The following SEMA6A variants were observed in gnomAD, a reference collection of about 807,000 sequenced individuals.
SEMA6A encodes semaphorin 6A.
SEMA6A carries 25 observed loss-of-function variants against 96.8 expected under a neutral mutation model. That is an observed-to-expected ratio of 0.26 (90% CI 0.19 to 0.36). The LOEUF (loss-of-function observed/expected upper bound fraction) is 0.36, where lower values mean the gene tolerates loss of function less well. Among genes scored for constraint, SEMA6A ranks in the 10% least tolerant of loss-of-function variants. The probability of loss-of-function intolerance (pLI) is 1.00; values close to 1 mark genes in which losing one functional copy is unlikely to be tolerated. For synonymous variants in SEMA6A, 612 were observed against 518.0 expected, an observed-to-expected ratio of 1.18 and a Z score of -2.46; for missense variants, 1,363 against 1,323.1, an observed-to-expected ratio of 1.03 and a Z score of -0.47.
At chr5:116,553,125 G>A (rs567325453) in intron 1 of SEMA6A, among the ~76,000 whole-genome samples, 1 of 152,332 alleles carries the variant, frequency 6.6e-6, no homozygotes, top group Admixed American at 6.5e-5. Context: ...ATTATTATTA[G>A]ACAACTATAT....
intron 3 of SEMA6A, chr5:116,498,443 G>A (rs1209925749): frequency 1.3e-5 from 2 of 152,048 alleles, no homozygotes; most frequent in Non-Finnish European, 2.9e-5. Context: ...TGGGAAATCT[G>A]TTTGCTTTTT....
At position 116,523,360 on chromosome 5, in the gene SEMA6A, C is replaced by G. The variant is rs188509357; in HGVS notation, c.-38-18378G>C. ...ACAGGGTCTTGCTCTGCTGCCCAGG[C>G]TGAAGTGCAGTGATGCAATCTCTGC... On this transcript the variant is annotated intron_variant, in intron 1 of 18. Transcript: ENST00000343348. 3.7e-3 allele frequency among the ~76,000 whole-genome samples: 557 copies of G among 152,222 alleles called. 1 individual carries two copies. The highest frequency in any genetic ancestry group is 4.8e-3 in the Admixed American group (74 of 15,290).
intron 18 of SEMA6A, among the ~76,000 whole-genome samples, chr5:116,448,294 G>A (rs1754397735): frequency 6.6e-6 from 1 of 152,014 alleles, no homozygotes; most frequent in African/African-American, 2.4e-5. Flanking sequence ...GCAGTGAAGG[G>A]AGATCAGGCC....
At chr5:116,565,269 G>C (rs1345534129) in intron 1 of SEMA6A, among the ~76,000 whole-genome samples, 1 of 152,132 alleles carries the variant, frequency 6.6e-6, no homozygotes, top group African/African-American at 2.4e-5. Context: ...TGAATTATAC[G>C]AGAAGCGGTT....
rs1317383424 is a variant in SEMA6A, at chr5:116,496,424, CT to C, written c.280-112del. ...AGGCTGAACATATATTTATTGAAAG[CT>C]TTCTGCACCCTTTCTCCATGATTAA... On this transcript the variant is annotated intron_variant, in intron 4 of 18. Transcript: ENST00000343348. 4 of 773,458 alleles carry C rather than the reference CT, an allele frequency of 5.2e-6. No individual in the cohort carries two copies. In the Admixed American group the frequency reaches 7.8e-5, roughly 15 times the overall value. The allele number at this position is 773,458 out of a possible 1,614,324, so 47.9% of individuals were successfully genotyped here. A position where few individuals can be genotyped will look rare whatever the true frequency, so the allele number is the denominator to read the frequency against.
chr5:116,549,844 G>A (rs543998974), intron 1 of SEMA6A, among the ~76,000 whole-genome samples: 35 of 152,246 alleles, frequency 2.3e-4, no homozygotes, highest in African/African-American at 8.2e-4. Flanking sequence ...ACACACAAAC[G>A]ATACTTATGC....
intron 15 of SEMA6A, among the ~76,000 whole-genome samples, chr5:116,476,987 C>G (rs1255179627): frequency 6.6e-6 from 1 of 152,136 alleles, no homozygotes; most frequent in Non-Finnish European, 1.5e-5. Flanking sequence ...GTTTGTTTAG[C>G]TATTCTGAAA....
At chr5:116,526,111 T>C (rs575365903) in intron 1 of SEMA6A, among the ~76,000 whole-genome samples, 17 of 152,052 alleles carry the variant, frequency 1.1e-4, no homozygotes, top group African/African-American at 3.6e-4. Flanking sequence ...ATGGCTCTTA[T>C]TGGATCTTCC....
intron 1 of SEMA6A, among the ~76,000 whole-genome samples, chr5:116,571,851 G>C (rs1358444608): frequency 6.6e-6 from 1 of 152,174 alleles, no homozygotes; most frequent in African/African-American, 2.4e-5. Context: ...TTGCAATCTT[G>C]ACCGCTGGTA....
At chr5:116,491,564 A>C (rs1757326252) in intron 7 of SEMA6A, among the ~76,000 whole-genome samples, 176 bp downstream of exon 7, 1 of 152,106 alleles carries the variant, frequency 6.6e-6, no homozygotes, top group Non-Finnish European at 1.5e-5. Flanking sequence ...AGTGAAGCAA[A>C]GACTTGCAAA....
intron 2 of SEMA6A, among the ~76,000 whole-genome samples, chr5:116,504,486 C>T (rs1362027523): frequency 2.6e-5 from 4 of 152,074 alleles, no homozygotes; most frequent in South Asian, 2.1e-4. Context: ...TGCAACAGTC[C>T]GGATATATGA....
At chr5:116,509,109 G>C (rs532369318) in intron 1 of SEMA6A, among the ~76,000 whole-genome samples, 52 of 152,216 alleles carry the variant, frequency 3.4e-4, no homozygotes, top group Non-Finnish European at 6.3e-4. Flanking sequence ...AAGTTGCATG[G>C]AGGACTTGAC....
At chr5:116,500,599 CT>C (rs528072875) in intron 3 of SEMA6A, among the ~76,000 whole-genome samples, 36 of 148,268 alleles carry the variant, frequency 2.4e-4, no homozygotes, top group East Asian at 1.6e-3. Flanking sequence ...AGTCTAGCCC[CT>C]TTTTTTTTTA....
chr5:116,570,230 A>G (rs1275853283), intron 1 of SEMA6A, among the ~76,000 whole-genome samples: 1 of 152,230 alleles, frequency 6.6e-6, no homozygotes, highest in Non-Finnish European at 1.5e-5. Context: ...TGTGGTCGCC[A>G]GCAGAGAATA....
At chr5:116,520,029 A>G (rs1758861485) in intron 1 of SEMA6A, among the ~76,000 whole-genome samples, 1 of 152,108 alleles carries the variant, frequency 6.6e-6, no homozygotes. Context: ...CAACAAAATT[A>G]AACCCTCTAT....
chr5:116,467,704 C>G lies in SEMA6A; in HGVS notation c.1773G>C (p.Ser591=). 1 of 1,613,794 alleles carries G rather than the reference C, an allele frequency of 6.2e-7. No individual in the cohort carries two copies. Among genetic ancestry groups the G allele is most frequent in the Non-Finnish European group, 8.5e-7 (1 of 1,179,840 alleles). ...SLLPSTTTSD[S]TAQEGYESRG... is the part of the protein sequence containing the mutation. ...TAGACTCATACCCCTCTTGAGCCGTCGAATCTGATGTGGTTGTGCTGGGCA... is the reference window on the plus strand; with the variant it reads ...TAGACTCATACCCCTCTTGAGCCGTGGAATCTGATGTGGTTGTGCTGGGCA... Residue 591 remains serine (S), a synonymous_variant, in exon 18 of 19, where the codon TCG becomes TCC. Transcript: ENST00000343348.
intron 8 of SEMA6A, 25 bp from the exon 9 acceptor site, chr5:116,488,221 T>C (rs769626345): frequency 2.8e-6 from 4 of 1,452,576 alleles, no homozygotes; most frequent in South Asian, 2.4e-5. Context: ...GCACTTTAAT[T>C]GGGAACATGT....
At chr5:116,496,365 A>T (rs1444016991) in intron 4 of SEMA6A, 52 bp from the exon 5 acceptor site, 1 of 1,532,754 alleles carries the variant, frequency 6.5e-7, no homozygotes, top group Non-Finnish European at 9.0e-7. Flanking sequence ...GTTGCGTTTG[A>T]TTTTAGAAGT....
chr5:116,545,622 A>G (rs1760155494), intron 1 of SEMA6A, among the ~76,000 whole-genome samples: 1 of 152,322 alleles, frequency 6.6e-6, no homozygotes, highest in Non-Finnish European at 1.5e-5. Context: ...GCCGTGTTCC[A>G]TCTGCGAGGA....
Sources: allele counts gnomAD v4.1 joint callset (sites outside exome capture counted in the v4.1 genomes callset), GRCh38; gene constraint gnomAD v4.1.1; transcripts MANE v1.5; gene names NCBI Gene and HGNC (gene_info 2026-07-23, HGNC 2026-07-21).